The following EPHA5 variants were observed in gnomAD, a reference collection of about 807,000 sequenced individuals.
EPHA5 encodes ephrin type-A receptor 5.
EPHA5 carries 60 observed loss-of-function variants against 105.0 expected under a neutral mutation model. The observed-to-expected ratio is 0.57, with a 90% CI of 0.46 to 0.71. The LOEUF is 0.71. Among genes scored for constraint, EPHA5 ranks in the 30% least tolerant of loss-of-function variants. EPHA5 has a pLI of 0.00. For missense variants in EPHA5, 1,218 were observed against 1,274.7 expected, an observed-to-expected ratio of 0.96 and a Z score of 0.68; for synonymous variants, 513 against 449.1, an observed-to-expected ratio of 1.14 and a Z score of -1.80.
At chr4:65,611,367 G>A (rs1159654487) in intron 2 of EPHA5, among the ~76,000 whole-genome samples, 1 of 151,918 alleles carries the variant, frequency 6.6e-6, no homozygotes, top group African/African-American at 2.4e-5. Flanking sequence ...AATTCTGTGG[G>A]GAAGCCTTAT....
rs747056219 is a variant in EPHA5, at chr4:65,336,065, G to A, written c.2656C>T (p.Leu886Phe). 1 of 1,613,250 alleles carries A rather than the reference G, an allele frequency of 6.2e-7. No homozygotes were observed. Among genetic ancestry groups the A allele is most frequent in the South Asian group, 1.1e-5 (1 of 91,068 alleles). ...CAGCAATCCAGCATTAACTGATAGA[G>A]AGCAGCAGGACAATCCATGGGGCTT... ...LPSPMDCPAA[L>F]YQLMLDCWQK... is the part of the protein sequence containing the mutation. Residue 886 changes from leucine to phenylalanine, a missense_variant, in exon 15 of 17, where the codon CTC becomes TTC. Around this residue, in one of 3 missense-constraint regions of EPHA5, gnomAD observed 971 missense variants for 1,013.5 expected, o/e 0.96. Coordinates refer to ENST00000613740, the MANE Select transcript of EPHA5 (RefSeq NM_001281766.3).
intron 2 of EPHA5, among the ~76,000 whole-genome samples, chr4:65,622,936 G>T (rs1397697381): frequency 2.0e-5 from 3 of 152,024 alleles, no homozygotes; most frequent in African/African-American, 7.2e-5. Flanking sequence ...ACTCAGCAAG[G>T]CTGAGAACTG....
chr4:65,474,674 T>C (rs1280832185), intron 5 of EPHA5, among the ~76,000 whole-genome samples: 3 of 152,214 alleles, frequency 2.0e-5, no homozygotes, highest in African/African-American at 2.4e-5. Context: ...AAAGAAGATA[T>C]TGGTGTTTTG....
rs182804454 is a variant in EPHA5, at chr4:65,660,455, C to T, written c.181+9107G>A. ...TAATCGTACAGTGTCAGGAAGATGA[C>T]GATCTGTGAGTGTGAAATCATACCT... is the stretch of plus-strand genomic sequence containing the variant. On this transcript the variant is annotated intron_variant, in intron 1 of 16. Transcript: ENST00000613740. Among the ~76,000 whole-genome samples, 77 of 152,048 alleles carry T rather than the reference C, an allele frequency of 5.1e-4. No homozygotes were observed. In the South Asian group the frequency reaches 0.012, roughly 25 times the overall value.
intron 14 of EPHA5, among the ~76,000 whole-genome samples, chr4:65,344,695 G>C (rs2148831938): frequency 6.6e-6 from 1 of 152,286 alleles, no homozygotes; most frequent in African/African-American, 2.4e-5. Context: ...ATGAGGTTTA[G>C]ATAAGTTAGA....
intron 3 of EPHA5, among the ~76,000 whole-genome samples, chr4:65,589,695 A>C (rs927953612): frequency 6.6e-6 from 1 of 152,190 alleles, no homozygotes; most frequent in African/African-American, 2.4e-5. Flanking sequence ...TAAATAAATA[A>C]TACAGGTCAG....
At chr4:65,611,860 A>C (rs1200205254) in intron 2 of EPHA5, among the ~76,000 whole-genome samples, 3 of 151,910 alleles carry the variant, frequency 2.0e-5, no homozygotes, top group Non-Finnish European at 4.4e-5. Flanking sequence ...ATACATAATA[A>C]AGTGCACTCC....
intron 1 of EPHA5, among the ~76,000 whole-genome samples, chr4:65,663,481 A>G (rs1749712165): frequency 6.6e-6 from 1 of 152,070 alleles, no homozygotes; most frequent in African/African-American, 2.4e-5. Flanking sequence ...AATAAAAAAC[A>G]AAAAACAAGA....
intron 3 of EPHA5, among the ~76,000 whole-genome samples, chr4:65,499,474 T>C (rs1310447094): frequency 6.6e-6 from 1 of 151,640 alleles, no homozygotes; most frequent in Non-Finnish European, 1.5e-5. Context: ...CATATATACA[T>C]CTGTAGTTCC....
chr4:65,632,955 T>C (rs1196612933), intron 2 of EPHA5, among the ~76,000 whole-genome samples: 1 of 151,954 alleles, frequency 6.6e-6, no homozygotes, highest in Non-Finnish European at 1.5e-5. Context: ...ATATGAATCA[T>C]TTGTAGAGTT....
chr4:65,430,265 T>A (rs1578100343), intron 5 of EPHA5, among the ~76,000 whole-genome samples: 1 of 151,996 alleles, frequency 6.6e-6, no homozygotes, highest in Non-Finnish European at 1.5e-5. Context: ...ATAAAATCCA[T>A]ATTTTTTGTT....
intron 16 of EPHA5, among the ~76,000 whole-genome samples, chr4:65,329,645 G>A (rs1720404018): frequency 6.6e-6 from 1 of 151,032 alleles, no homozygotes; most frequent in Admixed American, 6.6e-5. Context: ...ATAACTCTAA[G>A]AATTATATTT....
chr4:65,517,958 TAAG>T (rs1734268885), intron 3 of EPHA5, among the ~76,000 whole-genome samples: 1 of 151,950 alleles, frequency 6.6e-6, no homozygotes, highest in South Asian at 2.1e-4. Context: ...CTCAAAATAA[TAAG>T]ATTTGTAAGC....
rs567253414 is a variant in EPHA5 at position 65,561,759 on chromosome 4, A to G, written c.910+39882T>C. Among the ~76,000 whole-genome samples the G allele has an allele frequency of 2.0e-5, 3 of 152,234 alleles. No individual in the cohort carries two copies. In the East Asian group the frequency reaches 5.8e-4, roughly 29 times the overall value. Reference sequence around the variant, plus strand: ...TTGATCTGTGGTATATTTCTTGGAAACCATAGGGTGGAATGAACCACAAGA... The same window carrying G: ...TTGATCTGTGGTATATTTCTTGGAAGCCATAGGGTGGAATGAACCACAAGA... On this transcript the variant is annotated intron_variant, in intron 3 of 16. Transcript: ENST00000613740.
intron 3 of EPHA5, among the ~76,000 whole-genome samples, chr4:65,589,874 C>T (rs1742469030): frequency 6.6e-6 from 1 of 152,276 alleles, no homozygotes; most frequent in East Asian, 1.9e-4. Flanking sequence ...GGTGAAATCA[C>T]ATCACATGAC....
rs1325095022 is a variant in EPHA5 at position 65,530,998 on chromosome 4, TTTTTTTTATTTTTTTTA to T, written c.911-35472_911-35456del. Among the ~76,000 whole-genome samples, 412 of 102,086 alleles carry T rather than the reference TTTTTTTTATTTTTTTTA, an allele frequency of 4.0e-3. 4 individuals carry two copies. The highest frequency in any genetic ancestry group is 0.015 in the African/African-American group (393 of 25,870). 67.0% of individuals were successfully genotyped at this position (102,086 alleles called of 152,430 possible). A position where few individuals can be genotyped will look rare whatever the true frequency, so the allele number is the denominator to read the frequency against. ...AGGGTGCTGATTTAGCTGGATGGAT[TTTTTTTTATTTTTTTTA>T]TTTTTTTTATTTTTTTTATTTTTTT... is the stretch of plus-strand genomic sequence containing the variant. On this transcript the variant is annotated intron_variant, in intron 3 of 16. Transcript: ENST00000613740.
intron 3 of EPHA5, among the ~76,000 whole-genome samples, chr4:65,534,529 C>G (rs1303459968): frequency 2.0e-5 from 3 of 152,178 alleles, no homozygotes; most frequent in African/African-American, 7.2e-5. Flanking sequence ...AATGAAAAAC[C>G]TCTTCCTCCT....
intron 14 of EPHA5, among the ~76,000 whole-genome samples, chr4:65,345,271 C>A (rs750717617): frequency 6.6e-6 from 1 of 152,152 alleles, no homozygotes; most frequent in Non-Finnish European, 1.5e-5. Context: ...CCAATTTTAG[C>A]AATTTTAAGT....
chr4:65,465,565 AAAGGAAGGAAAGGAAG>A lies in EPHA5; in HGVS notation c.1402+24796_1402+24811del, dbSNP rs1455723556. 1.4e-3 allele frequency among the ~76,000 whole-genome samples: 213 copies of A among 149,684 alleles called. 2 individuals are homozygous for A. Among genetic ancestry groups the A allele is most frequent in the African/African-American group, 4.9e-3 (199 of 40,598 alleles). ...AGGAAGGAAAGGAAGGAAAGGAAGG[AAAGGAAGGAAAGGAAG>A]GAAAGGAAAGAAAGGAAGGAAAGGA... is the stretch of plus-strand genomic sequence containing the variant. On this transcript the variant is annotated intron_variant, in intron 5 of 16. Transcript: ENST00000613740.
Sources: gnomAD v4.1 joint callset for allele counts (sites outside exome capture counted in the v4.1 genomes callset) on GRCh38, gnomAD v4.1.1 for gene constraint, gnomAD v4.1.1 regional missense constraint, MANE v1.5 for transcripts, NCBI Gene and HGNC (gene_info 2026-07-23, HGNC 2026-07-21) for gene names.